Variants in TIA1 observed in about 807,000 individuals in gnomAD.
TIA1 encodes the protein cytotoxic granule associated RNA binding protein TIA1.
TIA1 carries 23 observed loss-of-function variants against 65.9 expected under a neutral mutation model. The ratio of observed to expected loss-of-function variants is 0.35; its 90% CI spans 0.25 to 0.49. The LOEUF is 0.49. TIA1 is among the 20% of genes least tolerant of loss of function. TIA1 has a pLI of 0.98. For missense variants in TIA1, 371 were observed against 477.9 expected (o/e 0.78, Z 2.09); for synonymous variants, 147 against 149.4 (o/e 0.98, Z 0.12).
intron 3 of TIA1, 87 bp from the exon 4 acceptor site, chr2:70,229,405 TG>T: frequency 8.6e-7 from 1 of 1,162,188 alleles, no homozygotes; most frequent in Non-Finnish European, 1.2e-6. Context: ...GGAAGATATC[TG>T]TTTAAGATGA....
chr2:70,235,965 T>G, intron 2 of TIA1, 114 bp downstream of exon 2: 1 of 557,050 alleles, frequency 1.8e-6, no homozygotes, highest in Non-Finnish European at 3.1e-6. Context: ...TACAGTAAAC[T>G]AATAATTTAT....
intron 2 of TIA1, among the ~76,000 whole-genome samples, chr2:70,234,370 T>C (rs1687856733): frequency 3.3e-5 from 5 of 152,220 alleles, no homozygotes; most frequent in Non-Finnish European, 4.4e-5. Flanking sequence ...TTCCCCATCT[T>C]TCCCTCCTGT....
intron 2 of TIA1, among the ~76,000 whole-genome samples, chr2:70,234,482 T>C (rs1306886259): frequency 1.3e-5 from 2 of 152,266 alleles, no homozygotes; most frequent in African/African-American, 2.4e-5. Flanking sequence ...ATTTCATCTA[T>C]ATAATATGCA....
rs1685936273 is a variant in TIA1, at chr2:70,230,815, C to T, written c.163G>A (p.Glu55Lys). 2 of 1,612,722 alleles carry T rather than the reference C, an allele frequency of 1.2e-6. No individual in the cohort carries two copies. The highest frequency in any genetic ancestry group is 1.7e-6 in the Non-Finnish European group (2 of 1,179,656). ...NDPYCFVEFH[E>K]HRHAAAALAA... Reference sequence around the variant, plus strand: ...AATGCTGCAGCTGCATGACGATGCTCATGAAACTCCACAAAACAATAGGGA... The same window carrying T: ...AATGCTGCAGCTGCATGACGATGCTTATGAAACTCCACAAAACAATAGGGA... Residue 55 changes from glutamate (E) to lysine (K), a missense_variant, in exon 3 of 13, where the codon GAG becomes AAG. Transcript: ENST00000433529.
intron 7 of TIA1, among the ~76,000 whole-genome samples, chr2:70,220,012 TG>T (rs1187521373): frequency 1.3e-5 from 2 of 151,452 alleles, no homozygotes; most frequent in African/African-American, 4.8e-5. Flanking sequence ...CTGGTATCTG[TG>T]AAATATGGCC....
intron 1 of TIA1, 76 bp from the exon 2 acceptor site, chr2:70,236,251 T>A: frequency 1.1e-6 from 1 of 938,490 alleles, no homozygotes; most frequent in East Asian, 2.6e-5. Flanking sequence ...CAGGATAGAG[T>A]GCAATGGCAC....
chr2:70,240,858 C>T (rs1691338298), intron 1 of TIA1, among the ~76,000 whole-genome samples: 1 of 151,936 alleles, frequency 6.6e-6, no homozygotes, highest in Non-Finnish European at 1.5e-5. Flanking sequence ...GGTGACAGAG[C>T]AAGACACTGC....
intron 5 of TIA1, 137 bp from the exon 6 acceptor site, chr2:70,227,959 C>A: frequency 8.7e-5 from 41 of 469,582 alleles, no homozygotes; most frequent in Middle Eastern, 6.9e-4. Context: ...TATCCTATAT[C>A]TATACAAATC....
chr2:70,234,285 T>C (rs1687823363), intron 2 of TIA1, among the ~76,000 whole-genome samples: 1 of 152,194 alleles, frequency 6.6e-6, no homozygotes, highest in South Asian at 2.1e-4. Context: ...CAGCAAATTT[T>C]CCATAAATGC....
intron 1 of TIA1, among the ~76,000 whole-genome samples, chr2:70,237,906 A>C (rs1573705180): frequency 6.6e-6 from 1 of 152,044 alleles, no homozygotes. Context: ...TCATGCCTGT[A>C]ATCCCAGCAC....
intron 1 of TIA1, among the ~76,000 whole-genome samples, chr2:70,240,133 C>T (rs191443138): frequency 5.3e-5 from 8 of 152,200 alleles, no homozygotes; most frequent in African/African-American, 1.9e-4. Flanking sequence ...AAAACCTTAC[C>T]TTAAAAATGA....
At chr2:70,232,655 G>A (rs1687019837) in intron 2 of TIA1, among the ~76,000 whole-genome samples, 1 of 151,428 alleles carries the variant, frequency 6.6e-6, no homozygotes, top group Non-Finnish European at 1.5e-5. Flanking sequence ...GATCACCTGA[G>A]GTCAGGAGTT....
Position 70,215,986 on chromosome 2 carries a change from C to T in TIA1, c.764+222G>A, listed in dbSNP as rs1490446098. On this transcript the variant is annotated intron_variant, in intron 10 of 12. Transcript: ENST00000433529. ...GGCCAGGCTGGTCTCAAACTCATGA[C>T]GGTGATCCACCCGTCTCGGCCTCCC... 1.2e-5 allele frequency: 6 copies of T among 490,060 alleles called. 1 individual carries two copies. The highest frequency in any genetic ancestry group is 3.9e-5 in the East Asian group (1 of 25,332). The allele number at this position is 490,060 out of a possible 1,614,324, so 30.4% of individuals were successfully genotyped here.
chr2:70,219,438 C>T (rs1680197786), intron 7 of TIA1, among the ~76,000 whole-genome samples: 1 of 152,102 alleles, frequency 6.6e-6, no homozygotes, highest in Non-Finnish European at 1.5e-5. Flanking sequence ...TAATCTACTA[C>T]TGAAGGAACA....
chr2:70,234,540 T>TA (rs1267248706), intron 2 of TIA1, among the ~76,000 whole-genome samples: 5 of 152,196 alleles, frequency 3.3e-5, no homozygotes, highest in African/African-American at 1.2e-4. Context: ...TTTTAAGATC[T>TA]AAGACAACAA....
intron 3 of TIA1, among the ~76,000 whole-genome samples, chr2:70,230,543 T>C (rs1479321587): frequency 1.3e-5 from 2 of 150,832 alleles, no homozygotes; most frequent in Non-Finnish European, 2.9e-5. Context: ...TCCCAGCTAC[T>C]AGGGAGGCTG....
intron 2 of TIA1, among the ~76,000 whole-genome samples, chr2:70,231,218 C>T (rs916235088): frequency 2.6e-5 from 4 of 152,110 alleles, no homozygotes; most frequent in Non-Finnish European, 5.9e-5. Context: ...AGGAGAATTG[C>T]TTGAACCCGG....
intron 1 of TIA1, among the ~76,000 whole-genome samples, chr2:70,245,082 C>T (rs113314973): frequency 2.4e-4 from 36 of 151,976 alleles, no homozygotes; most frequent in African/African-American, 8.5e-4. Flanking sequence ...ACCTCCCGGG[C>T]GATTCTCCTT....
At chr2:70,238,454 G>T (rs866624151) in intron 1 of TIA1, among the ~76,000 whole-genome samples, 41 of 151,334 alleles carry the variant, frequency 2.7e-4, no homozygotes, top group African/African-American at 9.7e-4. Flanking sequence ...TATATTTTTG[G>T]TAGAGACGGG....
Sources: allele counts gnomAD v4.1 joint callset (sites outside exome capture counted in the v4.1 genomes callset), GRCh38; gene constraint gnomAD v4.1.1; transcripts MANE v1.5; gene names NCBI Gene and HGNC (gene_info 2026-07-23, HGNC 2026-07-21).